Variants in DST observed in about 807,000 individuals in gnomAD.
The protein encoded by DST is bullous pemphigoid antigen.
Under a neutral mutation model 875.2 loss-of-function variants are expected in DST, and 253 were observed. The observed-to-expected ratio is 0.29, with a 90% CI of 0.26 to 0.32. The LOEUF (loss-of-function observed/expected upper bound fraction) is 0.32. Ranked by LOEUF, DST falls within the 10% of genes least tolerant of loss-of-function variation. DST has a pLI of 1.00. For synonymous variants in DST, 3,124 were observed against 3,197.1 expected (o/e 0.98, Z 0.77); for missense variants, 8,287 against 9,111.6 (o/e 0.91, Z 3.68).
chr6:56,685,265 G>A (rs771779184), intron 9 of DST, among the ~76,000 whole-genome samples: 1 of 152,058 alleles, frequency 6.6e-6, no homozygotes, highest in Non-Finnish European at 1.5e-5. Flanking sequence ...CTAATACCCA[G>A]AATCTATAAG....
chr6:56,938,082 TTCTCTCTC>T (rs144019912), intron 2 of DST, among the ~76,000 whole-genome samples: 18 of 131,706 alleles, frequency 1.4e-4, no homozygotes, highest in Middle Eastern at 3.6e-3. Context: ...CTCTCTCTCT[TTCTCTCTC>T]TCTCTCTCTC....
intron 69 of DST, among the ~76,000 whole-genome samples, chr6:56,520,495 A>G (rs1021071225): frequency 1.3e-5 from 2 of 152,110 alleles, no homozygotes; most frequent in Non-Finnish European, 2.9e-5. Context: ...ATCAATGTCA[A>G]TATGCTGCTT....
At chr6:56,590,759 A>G (rs2098257880) in intron 49 of DST, among the ~76,000 whole-genome samples, 1 of 152,184 alleles carries the variant, frequency 6.6e-6, no homozygotes, top group Non-Finnish European at 1.5e-5. Flanking sequence ...AGCCTGGGAA[A>G]GAAGCAGTGC....
intron 9 of DST, among the ~76,000 whole-genome samples, chr6:56,678,950 T>C (rs2099143874): frequency 6.6e-6 from 1 of 152,188 alleles, no homozygotes; most frequent in Non-Finnish European, 1.5e-5. Flanking sequence ...TTGAAGACAC[T>C]ATATAAAATG....
chr6:56,656,856 T>C (rs973446263), intron 10 of DST, among the ~76,000 whole-genome samples: 1 of 152,182 alleles, frequency 6.6e-6, no homozygotes, highest in East Asian at 1.9e-4. Context: ...ATAATGTATA[T>C]GTATATGTAT....
chr6:56,507,942 T>C (rs1562444692), intron 75 of DST, among the ~76,000 whole-genome samples: 1 of 152,088 alleles, frequency 6.6e-6, no homozygotes, highest in East Asian at 1.9e-4. Context: ...TTGGATTACT[T>C]TGGAAGCCAA....
chr6:56,650,759 A>G (rs895126538), intron 12 of DST, among the ~76,000 whole-genome samples, 167 bp downstream of exon 12: 3 of 152,226 alleles, frequency 2.0e-5, no homozygotes, highest in African/African-American at 7.2e-5. Context: ...TTAATGGTAG[A>G]ATAATGTCAT....
chr6:56,464,690 G>A lies in DST; in HGVS notation c.22754C>T (p.Thr7585Ile). 1 of 1,595,724 alleles carries A rather than the reference G, an allele frequency of 6.3e-7. No individual in the cohort carries two copies. Among genetic ancestry groups the A allele is most frequent in the East Asian group, 2.2e-5 (1 of 44,560 alleles). ...SNSSITTTQP[T>I]IAKGRTNMEL... ...CAAAGAGAGAGGTTGCCAACCTATAGTAGGCTGAGTAGTAGTAATTGAAGA... is the reference window on the plus strand; with the variant it reads ...CAAAGAGAGAGGTTGCCAACCTATAATAGGCTGAGTAGTAGTAATTGAAGA... The change falls in exon 100 of 104, where the codon ACT (threonine) becomes ATT (isoleucine). Residue 7585 changes from threonine to isoleucine, a missense_variant. Physicochemically the swap from Thr to Ile is moderately conservative, Grantham distance 89. Around this residue, in one of 10 missense-constraint regions of DST, gnomAD observed 64 missense variants for 86.2 expected, o/e 0.74. Coordinates refer to ENST00000680361, the MANE Select transcript of DST (RefSeq NM_001374736.1).
chr6:56,638,745 T>A (rs187963241), intron 22 of DST, among the ~76,000 whole-genome samples: 4 of 152,288 alleles, frequency 2.6e-5, no homozygotes, highest in Admixed American at 2.6e-4. Flanking sequence ...GCTGTCCCAA[T>A]ACACCTCACA....
intron 3 of DST, chr6:56,863,926 C>T (rs1772630802): frequency 6.6e-6 from 1 of 152,202 alleles, no homozygotes; most frequent in African/African-American, 2.4e-5. Flanking sequence ...GTGAAAATCT[C>T]TGGCTATTGA....
intron 36 of DST, chr6:56,616,483 A>T: frequency 6.2e-7 from 1 of 1,614,112 alleles, no homozygotes; most frequent in Non-Finnish European, 8.5e-7. Context: ...TGAGATTGGA[A>T]ATGTTCCTCT....
intron 38 of DST, 82 bp from the exon 39 acceptor site, chr6:56,610,644 T>C (rs2152718247): frequency 2.5e-6 from 3 of 1,211,966 alleles, no homozygotes; most frequent in Non-Finnish European, 3.4e-6. Context: ...AATTTTGTCA[T>C]ATGATGGTAA....
chr6:56,640,530 C>T lies in DST; in HGVS notation c.2103G>A (p.Leu701=), dbSNP rs752010471. ...TCATGAGCTTTGTCTGTTCTGTTGT[C>T]AGTATGCGTCCTTTGCTGTACACAG... ...CSSVYSKGRI[L]TTEQTKLMIS... Residue 701 remains leucine, a synonymous_variant, in exon 18 of 104, where the codon CTG becomes CTA. Transcript: ENST00000680361. The T allele has an allele frequency of 7.4e-6, 12 of 1,614,166 alleles. No homozygotes were observed. Among genetic ancestry groups the T allele is most frequent in the South Asian group, 6.6e-5 (6 of 91,076 alleles).
rs190199128 is a variant in DST, at chr6:56,653,170, A to G, written c.1215-1926T>C. Among the ~76,000 whole-genome samples the G allele has an allele frequency of 1.2e-4, 18 of 152,344 alleles. No individual in the cohort carries two copies. In the East Asian group the frequency reaches 3.5e-3, roughly 29 times the overall value. The stretch of plus-strand genomic sequence containing the variant: ...AATGAATAAAGTCATTGAAGAATCA[A>G]GTTTTTCAGCTAAGAGAATAAAACA... On this transcript the variant is annotated intron_variant, in intron 10 of 103. Coordinates refer to ENST00000680361, the MANE Select transcript of DST (RefSeq NM_001374736.1).
Position 56,604,283 on chromosome 6 carries a change from A to C in DST, c.10345T>G (p.Leu3449Val). Residue 3449 changes from leucine to valine, a missense_variant, in exon 40 of 104, where the codon TTG becomes GTG. Coordinates refer to ENST00000680361, the MANE Select transcript of DST (RefSeq NM_001374736.1). ...TTTTGGCTATGTTGATCTTGCTTCAATATATTAAGGAGAAGCTCAGACTTA... is the reference window on the plus strand; with the variant it reads ...TTTTGGCTATGTTGATCTTGCTTCACTATATTAAGGAGAAGCTCAGACTTA... The part of the protein sequence containing the change: ...NLKSELLLNI[L>V]KQDQHSQKIT... 6.2e-7 allele frequency: 1 copy of C among 1,612,116 alleles called. No individual in the cohort carries two copies. Among genetic ancestry groups the C allele is most frequent in the Non-Finnish European group, 8.5e-7 (1 of 1,178,966 alleles).
At chr6:56,774,678 C>A (rs970125362) in intron 4 of DST, among the ~76,000 whole-genome samples, 1 of 152,112 alleles carries the variant, frequency 6.6e-6, no homozygotes, top group African/African-American at 2.4e-5. Flanking sequence ...CTACTAAATT[C>A]TGTGCTAAAG....
Position 56,464,715 on chromosome 6 carries a change from A to T in DST, c.22729T>A (p.Ser7577Thr). ...GTAGGCTGAGTAGTAGTAATTGAAG[A>T]GTTTGATTCCGAACGTAACATTTTA... ...GSKMLRSESN[S>T]SITTTQPTIA... The change falls in exon 100 of 104, where the codon TCT becomes ACT. Residue 7577 changes from serine (S) to threonine (T), a missense_variant. Coordinates refer to ENST00000680361, the MANE Select transcript of DST (RefSeq NM_001374736.1). 1.2e-6 allele frequency: 2 copies of T among 1,600,934 alleles called. No homozygotes were observed. The highest frequency in any genetic ancestry group is 1.7e-6 in the Non-Finnish European group (2 of 1,173,888).
chr6:56,566,778 T>G (rs1049446946), intron 55 of DST, among the ~76,000 whole-genome samples: 1 of 152,194 alleles, frequency 6.6e-6, no homozygotes. Flanking sequence ...TCTGCCTTAC[T>G]TAAAGATTGA....
intron 3 of DST, among the ~76,000 whole-genome samples, chr6:56,869,456 G>T (rs568807539): frequency 8.4e-4 from 128 of 152,182 alleles, no homozygotes; most frequent in Middle Eastern, 3.4e-3. Context: ...CAAAGCCAAA[G>T]GAGTCTCAGT....
Sources: allele counts gnomAD v4.1 joint callset (sites outside exome capture counted in the v4.1 genomes callset), GRCh38; gene constraint gnomAD v4.1.1; regional missense constraint gnomAD v4.1.1; transcripts MANE v1.5; gene names NCBI Gene and HGNC (gene_info 2026-07-23, HGNC 2026-07-21).